Variants in ABHD2 observed in about 807,000 individuals in gnomAD.
The protein encoded by ABHD2 is monoacylglycerol lipase ABHD2.
In ABHD2, 20 loss-of-function variants were observed where a neutral mutation model predicts 48.1. The ratio of observed to expected loss-of-function variants is 0.42; its 90% CI spans 0.29 to 0.60. ABHD2 has a LOEUF of 0.60. Ranked by LOEUF, ABHD2 falls within the 20% of genes least tolerant of loss-of-function variation. The pLI, the probability that ABHD2 is intolerant of heterozygous loss-of-function variation, is 0.24. For missense variants in ABHD2, 405 were observed against 550.9 expected (o/e 0.74, Z 2.65); for synonymous variants, 209 against 214.2 (o/e 0.98, Z 0.21).
the ABHD2 span, among the ~76,000 whole-genome samples, chr15:89,042,584 TTTC>T: frequency 1.4e-5 from 2 of 140,260 alleles, no homozygotes; most frequent in Non-Finnish European, 3.1e-5. Context: ...TCTTTCTTTC[TTTC>T]TTATTTATTT....
chr15:89,062,697 T>C, the ABHD2 span, among the ~76,000 whole-genome samples: 1 of 152,076 alleles, frequency 6.6e-6, no homozygotes. Context: ...TGGAATTGAT[T>C]TTTTAAAAAT....
At chr15:89,170,541 T>C (rs1410508439) in intron 5 of ABHD2, among the ~76,000 whole-genome samples, 1 of 152,182 alleles carries the variant, frequency 6.6e-6, no homozygotes, top group Non-Finnish European at 1.5e-5. Context: ...TACATACATA[T>C]GCAGTATAAA....
At chr15:89,084,005 T>C (rs2150758937), upstream of ABHD2, among the ~76,000 whole-genome samples, 1 of 152,266 alleles carries the variant, frequency 6.6e-6, no homozygotes, top group Middle Eastern at 3.4e-3. This position sits in a 1 kb window ranked among gnomAD's most constrained non-coding sequence, Gnocchi z 4.4. Context: ...GACTGCACCA[T>C]GTCATGACTG....
In ABHD2 at chr15:89,191,070, T is replaced by C. The variant is rs1298456561; in HGVS notation, c.927-10T>C. The C allele has an allele frequency of 1.2e-6, 2 of 1,612,490 alleles. No homozygotes were observed. Among genetic ancestry groups the C allele is most frequent in the Non-Finnish European group, 1.7e-6 (2 of 1,179,720 alleles). ...CCTTTTTCTTTTTTTCTTTTTCTGG[T>C]GTGTTGCAGGAAGTTTCACGGCTAT... On this transcript the variant is annotated splice_polypyrimidine_tract_variant and intron_variant, in intron 8 of 10. Transcript: ENST00000352732.
chr15:89,124,817 G>A (rs1175088232), intron 3 of ABHD2, among the ~76,000 whole-genome samples: 7 of 152,030 alleles, frequency 4.6e-5, no homozygotes, highest in Admixed American at 3.9e-4. Flanking sequence ...GGCTGGGCGC[G>A]GTGGCTAACA....
intron 1 of ABHD2, among the ~76,000 whole-genome samples, chr15:89,090,783 A>G (rs1282857864): frequency 6.6e-6 from 1 of 152,152 alleles, no homozygotes; most frequent in African/African-American, 2.4e-5. Flanking sequence ...CCTCCTCCCA[A>G]GCGATGAGTG....
Position 89,195,169 on chromosome 15 carries a change from C to T in ABHD2, c.1082-58C>T. 1 of 1,570,314 alleles carries T rather than the reference C, an allele frequency of 6.4e-7. No homozygotes were observed. The highest frequency in any genetic ancestry group is 8.7e-7 in the Non-Finnish European group (1 of 1,155,960). ...TACCCTAGCCAGCTCACCTCTGCAC[C>T]TCCTGTCCTGGAGCAAACTAGAGAA... On this transcript the variant is annotated intron_variant, in intron 10 of 10. Transcript: ENST00000352732. The surrounding 1 kb of genome is among the most constrained non-coding windows in gnomAD (Gnocchi z 5.1).
rs2051075690 is a variant in ABHD2, at chr15:89,179,685, C to A, written c.722+3690C>A. Among the ~76,000 whole-genome samples the A allele has an allele frequency of 6.6e-6, 1 of 152,210 alleles. No individual in the cohort carries two copies. The highest frequency in any genetic ancestry group is 1.5e-5 in the Non-Finnish European group (1 of 68,032). ...TCCTGAAGCCATCCCCCTGCCCCTG[C>A]CTTCCCTAGGCTGTGGACAAATTGT... On this transcript the variant is annotated intron_variant, in intron 6 of 10. Transcript: ENST00000352732. The surrounding 1 kb of genome is among the most constrained non-coding windows in gnomAD (Gnocchi z 4.3).
chr15:89,062,338 A>C, the ABHD2 span, among the ~76,000 whole-genome samples: 1 of 143,452 alleles, frequency 7.0e-6, no homozygotes, highest in Non-Finnish European at 1.5e-5. Context: ...AAGTTATGGA[A>C]TTGATTTTCG....
the ABHD2 span, among the ~76,000 whole-genome samples, chr15:89,045,607 G>A: frequency 6.6e-6 from 1 of 151,992 alleles, no homozygotes; most frequent in Non-Finnish European, 1.5e-5. Flanking sequence ...CCTTGAAGAG[G>A]TCCTTCACAT....
In ABHD2 at chr15:89,092,720, T is replaced by A. The variant is rs936806843; in HGVS notation, c.-107+4157T>A. On this transcript the variant is annotated intron_variant, in intron 1 of 10. Transcript: ENST00000352732. The surrounding 1 kb of genome is among the most constrained non-coding windows in gnomAD (Gnocchi z 4.4). ...ACATATTCTGTACACCACCCCTTTT[T>A]GCAGAAATGGTAGCACACTGCATAC... Among the ~76,000 whole-genome samples the A allele has an allele frequency of 2.6e-5, 4 of 152,242 alleles. No individual in the cohort carries two copies. The highest frequency in any genetic ancestry group is 5.9e-5 in the Non-Finnish European group (4 of 68,030).
rs762986845 is a variant in ABHD2, at chr15:89,185,381, A to AC, written c.723-38dup. ...AGCCCCCTCCTGGCTGCCCGCCTGC[A>AC]CCCCCACACCGCAGTCACCCTCACT... On this transcript the variant is annotated intron_variant, in intron 6 of 10. Coordinates refer to ENST00000352732, the MANE Select transcript of ABHD2 (RefSeq NM_152924.5). This position sits in a 1 kb window ranked among gnomAD's most constrained non-coding sequence, Gnocchi z 5.9. 7 of 1,562,760 alleles carry AC rather than the reference A, an allele frequency of 4.5e-6. No individual in the cohort carries two copies. In the African/African-American group the frequency reaches 9.5e-5, roughly 21 times the overall value.
At chr15:89,143,281 A>G (rs1351705677) in intron 3 of ABHD2, among the ~76,000 whole-genome samples, 2 of 152,230 alleles carry the variant, frequency 1.3e-5, no homozygotes, top group Non-Finnish European at 2.9e-5. Flanking sequence ...AGTTTTAACT[A>G]TTGCCAGTTT....
At chr15:89,058,194 C>T in the ABHD2 span, among the ~76,000 whole-genome samples, 1 of 152,192 alleles carries the variant, frequency 6.6e-6, no homozygotes, top group African/African-American at 2.4e-5. Context: ...ATCCATTCCC[C>T]TGGCTCTCCA....
chr15:89,081,513 A>G, the ABHD2 span, among the ~76,000 whole-genome samples: 1 of 152,210 alleles, frequency 6.6e-6, no homozygotes, highest in Non-Finnish European at 1.5e-5. Flanking sequence ...ACAAGAGATG[A>G]TTATAGAATA....
chr15:89,072,966 G>A, the ABHD2 span, among the ~76,000 whole-genome samples: 1 of 148,778 alleles, frequency 6.7e-6, no homozygotes, highest in African/African-American at 2.5e-5. Context: ...TGCTAAACCT[G>A]TTTTCACTAC....
At chr15:89,149,097 CAG>C (rs1221895407) in intron 3 of ABHD2, among the ~76,000 whole-genome samples, 1 of 152,080 alleles carries the variant, frequency 6.6e-6, no homozygotes, top group Non-Finnish European at 1.5e-5. Flanking sequence ...TAATTAAAAA[CAG>C]TGTTTTATCA....
chr15:89,057,689 T>A, the ABHD2 span, among the ~76,000 whole-genome samples: 3 of 151,168 alleles, frequency 2.0e-5, no homozygotes, highest in African/African-American at 7.3e-5. Flanking sequence ...GGCCTCAGGG[T>A]GGCGCTGCTC....
chr15:89,119,790 C>T (rs2150821616), intron 3 of ABHD2, among the ~76,000 whole-genome samples: 1 of 152,266 alleles, frequency 6.6e-6, no homozygotes, highest in Admixed American at 6.5e-5. Context: ...AGCTACTGTC[C>T]CCCATAGTCT....
Sources: gnomAD v4.1 joint callset for allele counts (sites outside exome capture counted in the v4.1 genomes callset) on GRCh38, gnomAD v4.1.1 for gene constraint, Gnocchi (gnomAD v3.1) non-coding constraint, MANE v1.5 for transcripts, NCBI Gene and HGNC (gene_info 2026-07-23, HGNC 2026-07-21) for gene names.